The following PWWP3A variants were observed in gnomAD, a reference collection of about 807,000 sequenced individuals.
PWWP3A encodes PWWP domain containing 3A, DNA repair factor.
A neutral mutation model predicts 79.0 loss-of-function variants in PWWP3A; 53 were observed. The observed-to-expected ratio is 0.67, with a 90% CI of 0.54 to 0.84. The LOEUF (loss-of-function observed/expected upper bound fraction) is 0.84, where lower values mean the gene tolerates loss of function less well. PWWP3A is among the 40% of genes least tolerant of loss of function. PWWP3A has a pLI of 0.00. For synonymous variants in PWWP3A, 443 were observed against 394.4 expected, an observed-to-expected ratio of 1.12 and a Z score of -1.46; for missense variants, 973 against 948.0, an observed-to-expected ratio of 1.03 and a Z score of -0.35.
At chr19:1,362,964 G>A (rs183205779) in intron 6 of PWWP3A, among the ~76,000 whole-genome samples, 46 of 152,352 alleles carry the variant, frequency 3.0e-4, no homozygotes, top group Non-Finnish European at 4.4e-5. Context: ...CTTGAGACTC[G>A]CCCGTGAACC....
chr19:1,376,376 G>A (rs1485752918), intron 13 of PWWP3A, 143 bp from the exon 14 acceptor site: 3 of 456,514 alleles, frequency 6.6e-6, no homozygotes, highest in Non-Finnish European at 1.2e-5. Context: ...GGATGGTCCT[G>A]ATCTCCTGAC....
chr19:1,360,066 A>G lies in PWWP3A; in HGVS notation c.215-70A>G, dbSNP rs1342271715. On this transcript the variant is annotated intron_variant, in intron 4 of 13. Coordinates refer to ENST00000591337, the MANE Select transcript of PWWP3A (RefSeq NM_001369789.1). This position sits in a 1 kb window ranked among gnomAD's most constrained non-coding sequence, Gnocchi z 4.4. The stretch of plus-strand genomic sequence containing the variant: ...GTCAGAATGAGACAAGCGAGCTTCT[A>G]AAGCGATGCCGTGACCGCAGTGCCT... 2.1e-6 allele frequency: 3 copies of G among 1,451,504 alleles called. No homozygotes were observed. Among genetic ancestry groups the G allele is most frequent in the African/African-American group, 2.8e-5 (2 of 70,434 alleles). The allele number at this position is 1,451,504 out of a possible 1,614,324, so 89.9% of individuals were successfully genotyped here. A position where few individuals can be genotyped will look rare whatever the true frequency, so the allele number is the denominator to read the frequency against.
At chr19:1,362,127 G>T (rs868306464) in intron 5 of PWWP3A, 123 bp from the exon 6 acceptor site, 2 of 682,966 alleles carry the variant, frequency 2.9e-6, no homozygotes, top group South Asian at 4.6e-5. Context: ...GCAGTGTGGA[G>T]TTGTGTATAG....
chr19:1,362,331 C>G lies in PWWP3A; in HGVS notation c.1193C>G (p.Pro398Arg). Reference sequence around the variant, plus strand: ...GAAGACGAGGAAGACGAGGAGCCACCAAGAGTCCTTTTATACCACGGTAAG... The same window carrying G: ...GAAGACGAGGAAGACGAGGAGCCACGAAGAGTCCTTTTATACCACGGTAAG... ...LEEDEEDEEP[P>R]RVLLYHEPRS... The change falls in exon 6 of 14, where the codon CCA becomes CGA. Residue 398 changes from proline (P) to arginine (R), a missense_variant. By Grantham distance (103) the Pro-to-Arg change is moderately radical. Coordinates refer to ENST00000591337, the MANE Select transcript of PWWP3A (RefSeq NM_001369789.1). The G allele has an allele frequency of 6.2e-7, 1 of 1,614,036 alleles. No individual in the cohort carries two copies. Among genetic ancestry groups the G allele is most frequent in the Non-Finnish European group, 8.5e-7 (1 of 1,179,954 alleles).
Position 1,369,111 on chromosome 19 carries a change from T to C in PWWP3A, c.1423-154T>C. ...CCAGAGGGTCCCTGTGCGAGGCGTC[T>C]GCCAGAGCCCCCTTTGTCAGGGAGG... On this transcript the variant is annotated intron_variant, in intron 9 of 13. Transcript: ENST00000591337. This position sits in a 1 kb window ranked among gnomAD's most constrained non-coding sequence, Gnocchi z 4.0. 2 of 656,846 alleles carry C rather than the reference T, an allele frequency of 3.0e-6. No homozygotes were observed. The highest frequency in any genetic ancestry group is 5.4e-6 in the Non-Finnish European group (2 of 367,034). The allele number at this position is 656,846 out of a possible 1,614,324, so 40.7% of individuals were successfully genotyped here. A position where few individuals can be genotyped will look rare whatever the true frequency, so the allele number is the denominator to read the frequency against.
intron 1 of PWWP3A, 119 bp from the exon 2 acceptor site, chr19:1,356,205 T>G (rs1218125550): frequency 4.7e-6 from 3 of 635,176 alleles, no homozygotes; most frequent in Non-Finnish European, 5.7e-6. Flanking sequence ...AATGCAAGAT[T>G]GTGGAATTAA....
intron 7 of PWWP3A, among the ~76,000 whole-genome samples, chr19:1,365,348 G>C (rs1222450255): frequency 2.0e-5 from 3 of 152,266 alleles, no homozygotes; most frequent in Non-Finnish European, 4.4e-5. Context: ...TCATTGGTTT[G>C]GGTGCTGTCC....
In PWWP3A at chr19:1,369,017, T is replaced by A; in HGVS notation, c.1423-248T>A. On this transcript the variant is annotated intron_variant, in intron 9 of 13. Transcript: ENST00000591337. The surrounding 1 kb of genome is among the most constrained non-coding windows in gnomAD (Gnocchi z 4.0). ...CCTGCGTTCAGATCAGCCCAAGCCA[T>A]CGGGTCCCCGGTGCCCACCATTTGA... 2.2e-6 allele frequency: 1 copy of A among 455,260 alleles called. No individual in the cohort carries two copies. The highest frequency in any genetic ancestry group is 4.1e-6 in the Non-Finnish European group (1 of 245,868). The allele number at this position is 455,260 out of a possible 1,614,324, so 28.2% of individuals were successfully genotyped here.
Position 1,366,025 on chromosome 19 carries a change from G to A in PWWP3A, c.1285-280G>A, listed in dbSNP as rs138461005. 2.9e-3 allele frequency among the ~76,000 whole-genome samples: 449 copies of A among 152,342 alleles called. 3 individuals are homozygous for A. The highest frequency in any genetic ancestry group is 5.0e-3 in the Non-Finnish European group (339 of 68,034). On this transcript the variant is annotated intron_variant, in intron 7 of 13. Transcript: ENST00000591337. ...CTGAGCCGCTGGAGAATCTCAGGAC[G>A]CTTATTTAAAGAGGCAGCTGGCAGC...
rs2082233323 is a variant in PWWP3A at position 1,370,647 on chromosome 19, C to G, written c.1555C>G (p.Pro519Ala). 1.4e-6 allele frequency: 2 copies of G among 1,449,266 alleles called. No homozygotes were observed. The highest frequency in any genetic ancestry group is 1.4e-5 in the African/African-American group (1 of 69,638). 89.8% of individuals were successfully genotyped at this position (1,449,266 alleles called of 1,614,324 possible). ...GACAGGTGCTTCTTTTGCAGGCTAT[C>G]CTGTCCGAAAATCCATCCAGCAGGA... The part of the protein sequence containing the change: ...LEYYAADISY[P>A]VRKSIQQDVL... Residue 519 changes from proline (P) to alanine (A), a missense_variant, in exon 12 of 14, where the codon CCT becomes GCT. Transcript: ENST00000591337.
chr19:1,371,607 T>G (rs1055127604), intron 12 of PWWP3A: 26 of 585,186 alleles, frequency 4.4e-5, no homozygotes, highest in Non-Finnish European at 6.4e-5. Flanking sequence ...ACAGATGATT[T>G]TGAAGTTTGT....
Position 1,370,859 on chromosome 19 carries a change from G to A in PWWP3A, c.1767G>A (p.Leu589=), listed in dbSNP as rs2144753570. 2 of 1,562,918 alleles carry A rather than the reference G, an allele frequency of 1.3e-6. No homozygotes were observed. Among genetic ancestry groups the A allele is most frequent in the East Asian group, 2.4e-5 (1 of 42,024 alleles). The part of the protein sequence containing the change: ...IVKAKGAESH[L]RAILKSRKPS... The stretch of plus-strand genomic sequence containing the variant: ...AGGCCAAGGGCGCGGAGAGCCACCT[G>A]CGGGCCATCCTAAAGAGCAGGAAGC... Residue 589 remains leucine, a synonymous_variant, in exon 12 of 14, where the codon CTG becomes CTA. Coordinates refer to ENST00000591337, the MANE Select transcript of PWWP3A (RefSeq NM_001369789.1).
Position 1,356,320 on chromosome 19 carries a change from C to A in PWWP3A, c.-69-4C>A. ...TATAAACCACCGTGCAAATTTCGTT[C>A]CAGGACACATTGGCGTGAGACCTGG... On this transcript the variant is annotated splice_region_variant and splice_polypyrimidine_tract_variant and intron_variant, in intron 1 of 13. Transcript: ENST00000591337. 6.7e-7 allele frequency: 1 copy of A among 1,497,890 alleles called. No individual in the cohort carries two copies. The highest frequency in any genetic ancestry group is 9.3e-7 in the Non-Finnish European group (1 of 1,074,958). The allele number at this position is 1,497,890 out of a possible 1,614,324, so 92.8% of individuals were successfully genotyped here.
At chr19:1,375,525 TA>T (rs1568965091) in intron 13 of PWWP3A, among the ~76,000 whole-genome samples, 359 of 6,880 alleles carry the variant, frequency 0.052, 2 homozygotes, top group African/African-American at 0.2. Flanking sequence ...TAAAATCATA[TA>T]ATTTATATAT....
At chr19:1,362,585 C>T (rs893816548) in intron 6 of PWWP3A, among the ~76,000 whole-genome samples, 4 of 152,228 alleles carry the variant, frequency 2.6e-5, no homozygotes, top group South Asian at 2.1e-4. Context: ...CGGCCCAGCC[C>T]TCCCTGTTAG....
In PWWP3A at chr19:1,361,895, A is replaced by T. The variant is rs140348127; in HGVS notation, c.1112-355A>T. The T allele has an allele frequency of 7.0e-3, 1,485 of 213,558 alleles. 30 individuals carry two copies. The highest frequency in any genetic ancestry group is 0.033 in the African/African-American group (1,401 of 42,778). 13.2% of individuals were successfully genotyped at this position (213,558 alleles called of 1,614,324 possible). The stretch of plus-strand genomic sequence containing the variant: ...GCTCCTGTCCTGGCCCCCTCCCTGC[A>T]TATCCACTGATTGCTTCAGATGTGA... On this transcript the variant is annotated intron_variant, in intron 5 of 13. Transcript: ENST00000591337.
chr19:1,374,624 G>A (rs1200630509), intron 13 of PWWP3A, among the ~76,000 whole-genome samples: 1 of 152,172 alleles, frequency 6.6e-6, no homozygotes, highest in Admixed American at 6.5e-5. Context: ...AGCCGTTGTT[G>A]ATCTCTTTTG....
intron 6 of PWWP3A, 141 bp from the exon 7 acceptor site, chr19:1,364,368 A>C (rs2082084856): frequency 1.5e-6 from 1 of 685,798 alleles, no homozygotes; most frequent in African/African-American, 1.8e-5. Context: ...GATTCTCCTG[A>C]TCTTTTAAGC....
intron 12 of PWWP3A, chr19:1,371,448 T>C: frequency 1.4e-6 from 1 of 700,470 alleles, no homozygotes. Flanking sequence ...TCGCATTTAG[T>C]ACCCAGATAA....
Sources: allele counts gnomAD v4.1 joint callset (sites outside exome capture counted in the v4.1 genomes callset), GRCh38; gene constraint gnomAD v4.1.1; non-coding constraint Gnocchi (gnomAD v3.1); transcripts MANE v1.5; gene names NCBI Gene and HGNC (gene_info 2026-07-23, HGNC 2026-07-21).